Variants in RCBTB2 observed in about 807,000 individuals in gnomAD.
RCBTB2 encodes the protein RCC1 and BTB domain containing protein 2.
RCBTB2 carries 55 observed loss-of-function variants against 65.4 expected under a neutral mutation model. That is an observed-to-expected ratio of 0.84 (90% confidence interval 0.68 to 1.05). RCBTB2 has a LOEUF of 1.05. Among genes scored for constraint, RCBTB2 ranks in the 50% least tolerant of loss-of-function variants. The pLI is 0.00. For synonymous variants in RCBTB2, 220 were observed against 255.2 expected (o/e 0.86, Z 1.31); for missense variants, 599 against 680.1 (o/e 0.88, Z 1.33).
chr13:48,490,040 A>C lies in RCBTB2; in HGVS notation c.*71T>G, dbSNP rs1477279788. On this transcript the variant is annotated 3_prime_UTR_variant, in exon 15 of 15. Transcript: ENST00000344532. ...TAGCTCATCATACATACTATTAATT[A>C]AAGAGAAGTGATTCATCTCTGGCTT... 12 of 1,496,726 alleles carry C rather than the reference A, an allele frequency of 8.0e-6. No homozygotes were observed. In the East Asian group the frequency reaches 2.0e-4, roughly 25 times the overall value. The allele number at this position is 1,496,726 out of a possible 1,614,324, so 92.7% of individuals were successfully genotyped here.
chr13:48,508,469 C>T (rs376814058), intron 10 of RCBTB2, among the ~76,000 whole-genome samples: 30 of 150,866 alleles, frequency 2.0e-4, no homozygotes, highest in East Asian at 9.7e-4. Context: ...AGTGCAGTGT[C>T]GCGATCTCAC....
chr13:48,514,517 A>G (rs2138559104), intron 6 of RCBTB2, among the ~76,000 whole-genome samples: 1 of 152,364 alleles, frequency 6.6e-6, no homozygotes, highest in Admixed American at 6.5e-5. Flanking sequence ...TGTGCTGCCT[A>G]TTGCCACTGA....
chr13:48,534,006 T>TAA (rs1179727005), upstream of RCBTB2, among the ~76,000 whole-genome samples: 1 of 152,240 alleles, frequency 6.6e-6, no homozygotes, highest in African/African-American at 2.4e-5. Context: ...GTCTGGCTTT[T>TAA]GTCATTTCTT....
At position 48,521,968 on chromosome 13, in the gene RCBTB2, G is replaced by C; in HGVS notation, c.-23-6C>G. On this transcript the variant is annotated splice_polypyrimidine_tract_variant and splice_region_variant and intron_variant, in intron 3 of 14. Transcript: ENST00000344532. ...GACTCAGTCCTGGGCAGTCCCTGAG[G>C]AAAAAGTATGTGGTAAAATCAGGAT... 1 of 1,611,290 alleles carries C rather than the reference G, an allele frequency of 6.2e-7. No individual in the cohort carries two copies. The highest frequency in any genetic ancestry group is 1.3e-5 in the African/African-American group (1 of 74,820).
At chr13:48,520,068 TA>T (rs576208077) in intron 4 of RCBTB2, among the ~76,000 whole-genome samples, 26 of 150,040 alleles carry the variant, frequency 1.7e-4, no homozygotes, top group African/African-American at 3.2e-4. Context: ...ATTCAAAAAT[TA>T]AAAAAAAAAT....
At chr13:48,510,181 C>T (rs1334065688) in intron 10 of RCBTB2, among the ~76,000 whole-genome samples, 2 of 152,122 alleles carry the variant, frequency 1.3e-5, no homozygotes, top group African/African-American at 2.4e-5. Flanking sequence ...ATGAAATAAC[C>T]CTATCCTTCT....
chr13:48,529,226 G>T (rs1158170110), intron 1 of RCBTB2, among the ~76,000 whole-genome samples: 1 of 151,908 alleles, frequency 6.6e-6, no homozygotes, highest in African/African-American at 2.4e-5. Context: ...TTAAATCTCG[G>T]TCCTTATAGA....
intron 1 of RCBTB2, 22 bp downstream of exon 1, chr13:48,533,006 C>G: frequency 2.2e-6 from 1 of 455,702 alleles, no homozygotes; most frequent in South Asian, 1.5e-5. Context: ...CGGCCTCCCA[C>G]ACCACTCCTC....
Position 48,513,780 on chromosome 13 carries a change from T to C in RCBTB2, c.350-885A>G, listed in dbSNP as rs76890985. On this transcript the variant is annotated intron_variant, in intron 6 of 14. Transcript: ENST00000344532. ...TCTGATAATTTTAATGCCTGATATT[T>C]AGTAATCCGTTCTTGCTGTCTGTTG... 6.2e-3 allele frequency among the ~76,000 whole-genome samples: 939 copies of C among 152,378 alleles called. 10 individuals carry two copies. Among genetic ancestry groups the C allele is most frequent in the African/African-American group, 0.022 (897 of 41,594 alleles).
intron 4 of RCBTB2, among the ~76,000 whole-genome samples, chr13:48,518,098 T>C (rs917334448): frequency 1.1e-4 from 17 of 152,176 alleles, no homozygotes; most frequent in African/African-American, 1.9e-4. Flanking sequence ...CAAGGGAGCA[T>C]TGCCCTGATG....
At chr13:48,525,084 T>C (rs780457571) in intron 1 of RCBTB2, among the ~76,000 whole-genome samples, 4 of 151,558 alleles carry the variant, frequency 2.6e-5, no homozygotes, top group Non-Finnish European at 5.9e-5. Flanking sequence ...AGAATCCATG[T>C]GGAAATGTAA....
At position 48,496,215 on chromosome 13, in the gene RCBTB2, C is replaced by G; in HGVS notation, c.1491G>C (p.Ser497=). ...ICEENAIALL[S]AAVKYDAQDL... ...CCTGTGCATCATACTTCACCGCAGC[C>G]GAGAGCAGAGCGATGGCATTCTCCT... is the stretch of plus-strand genomic sequence containing the variant. The change falls in exon 14 of 15, where the codon TCG becomes TCC. Residue 497 remains serine (S), a synonymous_variant. Transcript: ENST00000344532. 6.4e-7 allele frequency: 1 copy of G among 1,563,514 alleles called. No individual in the cohort carries two copies. Among genetic ancestry groups the G allele is most frequent in the Non-Finnish European group, 8.7e-7 (1 of 1,153,626 alleles).
intron 2 of RCBTB2, 105 bp from the exon 3 acceptor site, chr13:48,522,508 C>A: frequency 1.6e-6 from 1 of 644,288 alleles, no homozygotes; most frequent in Non-Finnish European, 2.7e-6. Flanking sequence ...CAACAGCCAT[C>A]AAATATGTAG....
chr13:48,517,727 A>G (rs1218326104), intron 4 of RCBTB2, among the ~76,000 whole-genome samples: 1 of 152,224 alleles, frequency 6.6e-6, no homozygotes, highest in Non-Finnish European at 1.5e-5. Context: ...CTGTAGCTAA[A>G]AAGAGCTCAA....
chr13:48,499,994 G>C (rs1031935963), intron 12 of RCBTB2, among the ~76,000 whole-genome samples: 1 of 152,240 alleles, frequency 6.6e-6, no homozygotes, highest in African/African-American at 2.4e-5. Flanking sequence ...AATGGGGACA[G>C]AGCTGGGCTC....
upstream of RCBTB2, among the ~76,000 whole-genome samples, chr13:48,533,753 GCAC>G (rs1159724275): frequency 6.6e-6 from 1 of 152,168 alleles, no homozygotes; most frequent in Non-Finnish European, 1.5e-5. Flanking sequence ...TAAGTAAAAT[GCAC>G]CACAACTTTG....
intron 10 of RCBTB2, among the ~76,000 whole-genome samples, chr13:48,509,075 A>C (rs758249311): frequency 3.3e-5 from 5 of 152,202 alleles, no homozygotes; most frequent in Non-Finnish European, 5.9e-5. Flanking sequence ...TCATACCTGT[A>C]ATCCCAGCAC....
At chr13:48,504,418 G>A (rs1480349152) in intron 10 of RCBTB2, 1 of 674,646 alleles carries the variant, frequency 1.5e-6, no homozygotes, top group Non-Finnish European at 1.8e-6. Context: ...CTTTCTCATT[G>A]ACCTTCAATG....
chr13:48,528,887 C>T (rs1206186466), intron 1 of RCBTB2, among the ~76,000 whole-genome samples: 1 of 152,082 alleles, frequency 6.6e-6, no homozygotes, highest in Non-Finnish European at 1.5e-5. Context: ...TAGCACACAA[C>T]CTCAAAGGAA....
Sources: gnomAD v4.1 joint callset for allele counts (sites outside exome capture counted in the v4.1 genomes callset) on GRCh38, gnomAD v4.1.1 for gene constraint, MANE v1.5 for transcripts, NCBI Gene and HGNC (gene_info 2026-07-23, HGNC 2026-07-21) for gene names.